Variants in ZCCHC8 observed in about 807,000 individuals in gnomAD.
ZCCHC8 encodes zinc finger CCHC-type containing 8.
ZCCHC8 carries 27 observed loss-of-function variants against 70.6 expected under a neutral mutation model. The ratio of observed to expected loss-of-function variants is 0.38; its 90% CI spans 0.28 to 0.53. The LOEUF is 0.53. Ranked by LOEUF, ZCCHC8 falls within the 20% of genes least tolerant of loss-of-function variation. ZCCHC8 has a pLI of 0.81. For missense variants in ZCCHC8, 737 were observed against 876.9 expected, an observed-to-expected ratio of 0.84 and a Z score of 2.01; for synonymous variants, 293 against 317.4, an observed-to-expected ratio of 0.92 and a Z score of 0.82.
At chr12:122,498,780 G>C (rs1437066790) in intron 2 of ZCCHC8, 47 bp downstream of exon 2, 4 of 1,556,238 alleles carry the variant, frequency 2.6e-6, no homozygotes, top group African/African-American at 1.4e-5. Flanking sequence ...TTAATATCAG[G>C]ATAAATAATA....
intron 1 of ZCCHC8, 98 bp from the exon 2 acceptor site, chr12:122,498,967 G>T: frequency 9.0e-7 from 1 of 1,106,760 alleles, no homozygotes; most frequent in Non-Finnish European, 1.3e-6. Context: ...ATATTATAAA[G>T]ACAAAAGACC....
At chr12:122,499,516 T>C (rs1252733771) in intron 1 of ZCCHC8, 2 of 152,704 alleles carry the variant, frequency 1.3e-5, no homozygotes, top group African/African-American at 2.4e-5. Context: ...CTGATCCTCA[T>C]GATCCTCCTG....
At chr12:122,474,388 G>A in intron 13 of ZCCHC8, 113 bp from the exon 14 acceptor site, 1 of 1,002,822 alleles carries the variant, frequency 1.0e-6, no homozygotes, top group Non-Finnish European at 1.3e-6. Flanking sequence ...AAAATAACTG[G>A]CTTAACATGA....
Position 122,498,878 on chromosome 12 carries a change from T to C in ZCCHC8, c.200-9A>G. 6.2e-7 allele frequency: 1 copy of C among 1,612,464 alleles called. No homozygotes were observed. The highest frequency in any genetic ancestry group is 8.5e-7 in the Non-Finnish European group (1 of 1,178,836). On this transcript the variant is annotated splice_polypyrimidine_tract_variant and intron_variant, in intron 1 of 13. Coordinates refer to ENST00000633063, the MANE Select transcript of ZCCHC8 (RefSeq NM_017612.5). The stretch of plus-strand genomic sequence containing the variant: ...TCGTTTAAGTTCTTGATGTTATTAT[T>C]TGTTAAGGAAGATAAGCCCTCATTT...
Position 122,471,819 on chromosome 12 carries a change from C to T in ZCCHC8, c.*1678G>A, listed in dbSNP as rs187355913. On this transcript the variant is annotated 3_prime_UTR_variant, in exon 14 of 14. Coordinates refer to ENST00000633063, the MANE Select transcript of ZCCHC8 (RefSeq NM_017612.5). ...TCTGGAATGTTTCTATTTTGCTCCC[C>T]CTGTTGGCCTGAGAGCAGGATAACA... is the stretch of plus-strand genomic sequence containing the variant. 6.6e-6 allele frequency: 1 copy of T among 152,236 alleles called. No homozygotes were observed. The highest frequency in any genetic ancestry group is 2.4e-5 in the African/African-American group (1 of 41,534). The allele number at this position is 152,236 out of a possible 1,614,324, so 9.4% of individuals were successfully genotyped here.
At chr12:122,495,826 C>G (rs1383774826) in intron 2 of ZCCHC8, among the ~76,000 whole-genome samples, 1 of 121,366 alleles carries the variant, frequency 8.2e-6, no homozygotes, top group African/African-American at 3.1e-5. Flanking sequence ...ACAGCCTGGG[C>G]GATAGAGTGA....
intron 2 of ZCCHC8, among the ~76,000 whole-genome samples, chr12:122,494,001 A>G (rs1957787652): frequency 6.6e-6 from 1 of 152,214 alleles, no homozygotes; most frequent in Non-Finnish European, 1.5e-5. Flanking sequence ...CTTGGAGGGC[A>G]AAGCATATTG....
intron 2 of ZCCHC8, among the ~76,000 whole-genome samples, chr12:122,498,117 T>C (rs970756923): frequency 6.6e-6 from 1 of 151,870 alleles, no homozygotes; most frequent in African/African-American, 2.4e-5. Context: ...GAACACATTT[T>C]AACTATGTAA....
At chr12:122,487,158 C>G (rs1957657340) in intron 5 of ZCCHC8, among the ~76,000 whole-genome samples, 1 of 152,198 alleles carries the variant, frequency 6.6e-6, no homozygotes, top group African/African-American at 2.4e-5. Flanking sequence ...ATACAAACCA[C>G]CTACCCCACA....
intron 13 of ZCCHC8, among the ~76,000 whole-genome samples, chr12:122,477,354 C>T (rs919627253): frequency 6.6e-6 from 1 of 150,786 alleles, no homozygotes; most frequent in African/African-American, 2.4e-5. Flanking sequence ...CAGGGTTTCA[C>T]CATGTTTGCC....
In ZCCHC8 at chr12:122,473,617, A is replaced by G. The variant is rs1293849631; in HGVS notation, c.2004T>C (p.Thr668=). Residue 668 remains threonine (T), a synonymous_variant, in exon 14 of 14, where the codon ACT becomes ACC. Transcript: ENST00000633063. Reference sequence around the variant, plus strand: ...TCTCAAATTCAAATGGCGTGATTCCAGTTGCAAATTTGCTCATGTCAGGTA... The same window carrying G: ...TCTCAAATTCAAATGGCGTGATTCCGGTTGCAAATTTGCTCATGTCAGGTA... ...SPIPDMSKFA[T]GITPFEFENM... The G allele has an allele frequency of 6.2e-7, 1 of 1,613,868 alleles. No individual in the cohort carries two copies. Among genetic ancestry groups the G allele is most frequent in the Non-Finnish European group, 8.5e-7 (1 of 1,179,902 alleles).
At chr12:122,475,590 T>C (rs777368722) in intron 13 of ZCCHC8, among the ~76,000 whole-genome samples, 20 of 152,146 alleles carry the variant, frequency 1.3e-4, no homozygotes, top group Non-Finnish European at 2.6e-4. Context: ...CTCTCTGGGG[T>C]GCATGCTCTC....
chr12:122,500,746 T>G lies in ZCCHC8; in HGVS notation c.95A>C (p.Lys32Thr), dbSNP rs762788276. 4.5e-5 allele frequency: 71 copies of G among 1,587,244 alleles called. No homozygotes were observed. Among genetic ancestry groups the G allele is most frequent in the Middle Eastern group, 1.7e-4 (1 of 6,036 alleles). ...SIPKPVHTRF[K>T]DDDGDEEDEN... ...GTCCTCCTCGTCGCCGTCGTCGTCC[T>G]TGAAGCGAGTGTGAACGGGCTTCGG... The change falls in exon 1 of 14, where the codon AAG (lysine) becomes ACG (threonine). Residue 32 changes from lysine to threonine, a missense_variant. Physicochemically the swap from Lys to Thr is moderately conservative, Grantham distance 78. Transcript: ENST00000633063. The surrounding 1 kb of genome is among the most constrained non-coding windows in gnomAD (Gnocchi z 4.8).
chr12:122,477,915 C>T lies in ZCCHC8; in HGVS notation c.1271G>A (p.Ser424Asn). ...CTTCTGCTTCTTTGGACTACCTGGGCTAGAGTGAGATGAAGACCTCTTGTT... is the reference window on the plus strand; with the variant it reads ...CTTCTGCTTCTTTGGACTACCTGGGTTAGAGTGAGATGAAGACCTCTTGTT... ...SGNKRSSSHS[S>N]PGSPKKQKNE... The change falls in exon 13 of 14, where the codon AGC becomes AAC. Residue 424 changes from serine (S) to asparagine (N), a missense_variant. By Grantham distance (46) the Ser-to-Asn change is conservative. Transcript: ENST00000633063. 1 of 1,613,848 alleles carries T rather than the reference C, an allele frequency of 6.2e-7. No homozygotes were observed. The highest frequency in any genetic ancestry group is 8.5e-7 in the Non-Finnish European group (1 of 1,179,860).
chr12:122,473,475 C>T lies in ZCCHC8; in HGVS notation c.*22G>A. On this transcript the variant is annotated 3_prime_UTR_variant, in exon 14 of 14. Coordinates refer to ENST00000633063, the MANE Select transcript of ZCCHC8 (RefSeq NM_017612.5). ...TTAACGGAACAAAGTTATTAAATAG[C>T]TCTCAGTGCTAAGTCAAGCCATTAT... 1 of 1,603,576 alleles carries T rather than the reference C, an allele frequency of 6.2e-7. No homozygotes were observed. The highest frequency in any genetic ancestry group is 1.1e-5 in the South Asian group (1 of 89,518).
intron 2 of ZCCHC8, among the ~76,000 whole-genome samples, chr12:122,495,083 T>C (rs551688379): frequency 1.3e-5 from 2 of 152,340 alleles, no homozygotes; most frequent in South Asian, 4.1e-4. Flanking sequence ...GGCTGAAATG[T>C]GCATGGGATT....
In ZCCHC8 at chr12:122,480,439, T is replaced by C. The variant is rs1378107451; in HGVS notation, c.1019-128A>G. The C allele has an allele frequency of 3.7e-6, 3 of 800,206 alleles. No homozygotes were observed. In the South Asian group the frequency reaches 9.2e-5, roughly 25 times the overall value. 49.6% of individuals were successfully genotyped at this position (800,206 alleles called of 1,614,324 possible). Reference sequence around the variant, plus strand: ...ATTAGTTTTGAAATGGCTTTCAATTTTCATTATAATTTTTCTAAATCATTA... The same window carrying C: ...ATTAGTTTTGAAATGGCTTTCAATTCTCATTATAATTTTTCTAAATCATTA... On this transcript the variant is annotated intron_variant, in intron 10 of 13. Transcript: ENST00000633063.
Position 122,500,476 on chromosome 12 carries a change from C to A in ZCCHC8, c.199+166G>T. On this transcript the variant is annotated intron_variant, in intron 1 of 13. Transcript: ENST00000633063. The surrounding 1 kb of genome is among the most constrained non-coding windows in gnomAD (Gnocchi z 4.8). ...CCGAGGCAGCCTGCGCGCCCCGAAC[C>A]CTAGACTCTCGGTCCGCCGGCGGGT... 2.1e-6 allele frequency: 2 copies of A among 951,940 alleles called. No individual in the cohort carries two copies. The highest frequency in any genetic ancestry group is 3.5e-5 in the South Asian group (2 of 57,740). The allele number at this position is 951,940 out of a possible 1,614,324, so 59.0% of individuals were successfully genotyped here. A position where few individuals can be genotyped will look rare whatever the true frequency, so the allele number is the denominator to read the frequency against.
chr12:122,480,535 C>G, intron 10 of ZCCHC8: 3 of 353,304 alleles, frequency 8.5e-6, no homozygotes, highest in South Asian at 4.5e-5. Context: ...GCAGTGGCAC[C>G]ATCTTGGCTC....
Sources: allele counts gnomAD v4.1 joint callset (sites outside exome capture counted in the v4.1 genomes callset), GRCh38; gene constraint gnomAD v4.1.1; non-coding constraint Gnocchi (gnomAD v3.1); transcripts MANE v1.5; gene names NCBI Gene and HGNC (gene_info 2026-07-23, HGNC 2026-07-21).